Variants in WDR70 observed in about 807,000 individuals in gnomAD.
The protein encoded by WDR70 is WD repeat-containing protein 70.
A neutral mutation model predicts 88.6 loss-of-function variants in WDR70; 53 were observed. That is an observed-to-expected ratio of 0.60 (90% CI 0.48 to 0.75). WDR70 has a LOEUF of 0.75. Ranked by LOEUF, WDR70 falls within the 30% of genes least tolerant of loss-of-function variation. The pLI is 0.00. For synonymous variants in WDR70, 280 were observed against 270.0 expected (o/e 1.04, Z -0.36); for missense variants, 610 against 823.2 (o/e 0.74, Z 3.17).
chr5:37,742,263 GTTT>G (rs549421990), intron 17 of WDR70, among the ~76,000 whole-genome samples: 2 of 123,670 alleles, frequency 1.6e-5, no homozygotes, highest in African/African-American at 2.9e-5. Flanking sequence ...ATTATCTGTT[GTTT>G]TTTTTTTTTT....
chr5:37,739,248 A>T (rs561841754), intron 17 of WDR70, among the ~76,000 whole-genome samples: 1 of 152,332 alleles, frequency 6.6e-6, no homozygotes, highest in South Asian at 2.1e-4. Context: ...TACTTCACTC[A>T]TTCTCCAGTG....
chr5:37,436,420 G>C (rs957012566), intron 5 of WDR70, among the ~76,000 whole-genome samples: 3 of 152,088 alleles, frequency 2.0e-5, no homozygotes, highest in Non-Finnish European at 2.9e-5. Context: ...AAAAACTCTA[G>C]CATTTCTGGC....
chr5:37,474,472 T>C (rs1176423766), intron 7 of WDR70, among the ~76,000 whole-genome samples: 2 of 152,244 alleles, frequency 1.3e-5, no homozygotes, highest in Non-Finnish European at 2.9e-5. Flanking sequence ...TTTTGCTTTA[T>C]GTATTTGGAG....
chr5:37,448,123 TTGAG>T (rs954106629), intron 7 of WDR70, among the ~76,000 whole-genome samples: 46 of 152,312 alleles, frequency 3.0e-4, no homozygotes, highest in African/African-American at 1.1e-3. Flanking sequence ...TTTTTCTTTT[TTGAG>T]TATCAGTATT....
intron 9 of WDR70, among the ~76,000 whole-genome samples, chr5:37,559,650 G>T (rs1040349139): frequency 2.7e-4 from 41 of 152,188 alleles, no homozygotes; most frequent in African/African-American, 9.4e-4. Flanking sequence ...TTCAAGACCA[G>T]CCTGGCCAAC....
intron 9 of WDR70, among the ~76,000 whole-genome samples, chr5:37,592,455 T>TA (rs1310664047): frequency 1.3e-5 from 2 of 151,740 alleles, no homozygotes; most frequent in African/African-American, 2.4e-5. Flanking sequence ...ATTAATACAG[T>TA]AAAAAAAAGT....
chr5:37,637,563 T>A (rs1289997966), intron 10 of WDR70, among the ~76,000 whole-genome samples: 6 of 152,048 alleles, frequency 3.9e-5, no homozygotes, highest in Non-Finnish European at 8.8e-5. Flanking sequence ...ATCAAGAAGG[T>A]CTGTTTAATA....
intron 9 of WDR70, among the ~76,000 whole-genome samples, chr5:37,559,899 C>G (rs1742449019): frequency 6.6e-6 from 1 of 150,908 alleles, no homozygotes; most frequent in Non-Finnish European, 1.5e-5. Flanking sequence ...TTGACTCTTA[C>G]TGTCCCTTAA....
intron 4 of WDR70, among the ~76,000 whole-genome samples, chr5:37,393,552 GTT>G (rs1221964353): frequency 6.6e-6 from 1 of 151,618 alleles, no homozygotes; most frequent in African/African-American, 2.4e-5. Context: ...GTTCTGATAT[GTT>G]TTGTTTCCAT....
At chr5:37,578,103 T>C (rs1177038341) in intron 9 of WDR70, among the ~76,000 whole-genome samples, 3 of 152,160 alleles carry the variant, frequency 2.0e-5, no homozygotes, top group Non-Finnish European at 4.4e-5. Flanking sequence ...CAGGCAGTCA[T>C]TGTGGTCTCT....
intron 8 of WDR70, among the ~76,000 whole-genome samples, chr5:37,482,148 T>A (rs4618453): frequency 6.6e-6 from 1 of 151,964 alleles, no homozygotes; most frequent in East Asian, 1.9e-4. Context: ...CTTTCCCACA[T>A]TTTCCTATCC....
chr5:37,619,239 A>G (rs1744435684), intron 10 of WDR70, among the ~76,000 whole-genome samples: 1 of 151,810 alleles, frequency 6.6e-6, no homozygotes, highest in Admixed American at 6.6e-5. Flanking sequence ...ATTATCTGGT[A>G]TCAATTGGCA....
At chr5:37,552,708 T>G (rs896560884) in intron 9 of WDR70, among the ~76,000 whole-genome samples, 1 of 152,194 alleles carries the variant, frequency 6.6e-6, no homozygotes, top group Non-Finnish European at 1.5e-5. Context: ...TCAGTTAAAC[T>G]CCACAAACAT....
At chr5:37,602,476 G>A (rs1448110781) in intron 9 of WDR70, among the ~76,000 whole-genome samples, 4 of 150,798 alleles carry the variant, frequency 2.7e-5, no homozygotes, top group African/African-American at 9.8e-5. Context: ...GCAAGGTGGC[G>A]GGCGCCTGTA....
rs550949644 is a variant in WDR70, at chr5:37,452,235, G to A, written c.686+8863G>A. Among the ~76,000 whole-genome samples the A allele has an allele frequency of 3.3e-5, 5 of 151,436 alleles. No homozygotes were observed. In the East Asian group the frequency reaches 9.8e-4, roughly 30 times the overall value. On this transcript the variant is annotated intron_variant, in intron 7 of 17. Transcript: ENST00000265107. ...ATATGGGAGAGTCAAACTCTCATAT[G>A]CCATTAGAAGCCTTTCTTTATTTTG...
intron 7 of WDR70, among the ~76,000 whole-genome samples, chr5:37,454,328 A>G (rs1487086815): frequency 6.6e-5 from 10 of 152,216 alleles, no homozygotes; most frequent in Non-Finnish European, 4.4e-5. Flanking sequence ...TTTTAAAAAA[A>G]TAAAAATATG....
At chr5:37,489,510 C>A (rs79181488) in intron 8 of WDR70, among the ~76,000 whole-genome samples, 13,471 of 152,228 alleles carry the variant, frequency 0.088, 813 homozygotes, top group Middle Eastern at 0.14. Flanking sequence ...GCAGGCTGAG[C>A]AACCTTGTCC....
chr5:37,602,938 C>T (rs544824377), intron 9 of WDR70, among the ~76,000 whole-genome samples: 9 of 151,824 alleles, frequency 5.9e-5, no homozygotes, highest in East Asian at 3.9e-4. Context: ...GATTGCGCCA[C>T]GGCACTCCAG....
rs1213428912 is a variant in WDR70, at chr5:37,710,462, C to G, written c.1416+7375C>G. Among the ~76,000 whole-genome samples, 3 of 152,024 alleles carry G rather than the reference C, an allele frequency of 2.0e-5. No individual in the cohort carries two copies. In the East Asian group the frequency reaches 5.8e-4, roughly 29 times the overall value. ...AAGAATGTCATATAAATCAGCGGTC[C>G]CCAACTTTTTTGGCACCAGGGACTG... On this transcript the variant is annotated intron_variant, in intron 13 of 17. Transcript: ENST00000265107.
Sources: allele counts gnomAD v4.1 joint callset (sites outside exome capture counted in the v4.1 genomes callset), GRCh38; gene constraint gnomAD v4.1.1; transcripts MANE v1.5; gene names NCBI Gene and HGNC (gene_info 2026-07-23, HGNC 2026-07-21).